The following DTNA variants were observed in gnomAD, a reference collection of about 807,000 sequenced individuals.
DTNA encodes dystrophin-related protein 3.
A neutral mutation model predicts 100.7 loss-of-function variants in DTNA; 43 were observed. That is an observed-to-expected ratio of 0.43 (90% CI 0.33 to 0.55). DTNA has a LOEUF of 0.55. DTNA is among the 20% of genes least tolerant of loss of function. DTNA has a pLI of 0.04. For missense variants in DTNA, 798 were observed against 953.9 expected (o/e 0.84, Z 2.15); for synonymous variants, 349 against 347.9 (o/e 1.00, Z -0.04).
At chr18:34,668,540 C>T (rs2076274491) in intron 1 of DTNA, among the ~76,000 whole-genome samples, 1 of 151,994 alleles carries the variant, frequency 6.6e-6, no homozygotes. Flanking sequence ...TTAGATCTTT[C>T]CTGCTTTCTC....
rs540463265 is a variant in DTNA, at chr18:34,727,942, AT to A, written c.-2+17499del. 1.1e-4 allele frequency among the ~76,000 whole-genome samples: 16 copies of A among 152,256 alleles called. No individual in the cohort carries two copies. The East Asian group carries it at 3.1e-3, about 29-fold the overall frequency. On this transcript the variant is annotated intron_variant, in intron 1 of 22. Transcript: ENST00000444659. ...ATGCCATCTACTATCTAATCCTAAT[AT>A]TAAGAGGGAGGGGGGGAAAAGGCAA...
At chr18:34,789,832 G>A (rs1409319299) in intron 3 of DTNA, among the ~76,000 whole-genome samples, 1 of 152,016 alleles carries the variant, frequency 6.6e-6, no homozygotes, top group South Asian at 2.1e-4. Flanking sequence ...TAATTTCTAG[G>A]TATTTGATTA....
chr18:34,726,353 C>T (rs913419622), intron 1 of DTNA, among the ~76,000 whole-genome samples: 1 of 152,186 alleles, frequency 6.6e-6, no homozygotes, highest in Admixed American at 6.5e-5. Context: ...TTGCAAAATA[C>T]AGTCATCTCT....
chr18:34,730,750 C>T (rs2087915795), intron 1 of DTNA, among the ~76,000 whole-genome samples: 1 of 152,144 alleles, frequency 6.6e-6, no homozygotes, highest in Non-Finnish European at 1.5e-5. Context: ...TTCCTCTCAC[C>T]CTAATATCTA....
Position 34,655,076 on chromosome 18 carries a change from A to G in DTNA, c.-1-100900A>G, listed in dbSNP as rs534056861. Among the ~76,000 whole-genome samples the G allele has an allele frequency of 9.9e-5, 15 of 152,206 alleles. No individual in the cohort carries two copies. The South Asian group carries it at 3.1e-3, about 32-fold the overall frequency. On this transcript the variant is annotated intron_variant, in intron 1 of 19. Coordinates refer to the DTNA transcript ENST00000283365. Reference sequence around the variant, plus strand: ...TATTAAGAAATTCTTTTACTAACACATGTAGTTTTTCAGAACTCCATAATA... The same window carrying G: ...TATTAAGAAATTCTTTTACTAACACGTGTAGTTTTTCAGAACTCCATAATA...
intron 3 of DTNA, among the ~76,000 whole-genome samples, chr18:34,782,823 G>C (rs1318497641): frequency 1.3e-5 from 2 of 152,204 alleles, no homozygotes; most frequent in Non-Finnish European, 2.9e-5. Context: ...AGGCAATGGA[G>C]AACGGCATGG....
At chr18:34,665,430 T>TA (rs1169290535) in intron 1 of DTNA, among the ~76,000 whole-genome samples, 2 of 152,124 alleles carry the variant, frequency 1.3e-5, no homozygotes, top group African/African-American at 4.8e-5. Context: ...TATATATATA[T>TA]TTTTTATTAC....
intron 8 of DTNA, chr18:34,818,683 A>T (rs974395566): frequency 9.1e-7 from 1 of 1,099,338 alleles, no homozygotes; most frequent in Non-Finnish European, 1.1e-6. Flanking sequence ...TGTTTTGTGG[A>T]AACGGCTTAA....
Position 34,838,134 on chromosome 18 carries a change from C to T in DTNA, c.1216C>T (p.Leu406=). 1 of 1,613,866 alleles carries T rather than the reference C, an allele frequency of 6.2e-7. No individual in the cohort carries two copies. Among genetic ancestry groups the T allele is most frequent in the South Asian group, 1.1e-5 (1 of 91,074 alleles). ...CAGTGAAGTAGAGCAGAACAAACTG[C>T]TGGCTAGGGCTGCTCCAGCTTTTCT... ...KDSEVEQNKL[L]ARAAPAFLKG... The change falls in exon 12 of 23, where the codon CTG becomes TTG. Residue 406 remains leucine, a synonymous_variant. Coordinates refer to ENST00000444659, the MANE Select transcript of DTNA (RefSeq NM_001386795.1).
intron 4 of DTNA, among the ~76,000 whole-genome samples, chr18:34,799,418 A>G (rs964301912): frequency 7.2e-5 from 11 of 152,250 alleles, no homozygotes; most frequent in African/African-American, 2.7e-4. Flanking sequence ...AATGTACTAC[A>G]AAGTACACAA....
chr18:34,516,066 TGGG>T (rs2041578452), intron 1 of DTNA, among the ~76,000 whole-genome samples: 1 of 152,128 alleles, frequency 6.6e-6, no homozygotes, highest in African/African-American at 2.4e-5. Flanking sequence ...TCTCAGCTAT[TGGG>T]GGAACCACCC....
intron 1 of DTNA, among the ~76,000 whole-genome samples, chr18:34,714,617 C>T (rs1433894108): frequency 2.0e-4 from 30 of 150,578 alleles, no homozygotes; most frequent in Non-Finnish European, 1.2e-4. Context: ...GAAATAGGAA[C>T]ACTTTTACAC....
At chr18:34,646,069 A>C (rs181693577) in intron 1 of DTNA, among the ~76,000 whole-genome samples, 1 of 152,256 alleles carries the variant, frequency 6.6e-6, no homozygotes, top group Admixed American at 6.5e-5. Context: ...ATGGTTCAGT[A>C]TTTTAAGAAA....
At chr18:34,643,553 A>G (rs2148407366) in intron 1 of DTNA, among the ~76,000 whole-genome samples, 1 of 152,288 alleles carries the variant, frequency 6.6e-6, no homozygotes, top group African/African-American at 2.4e-5. Flanking sequence ...ATTCTTTATT[A>G]TTCTCTGCAG....
chr18:34,668,109 T>C (rs1358788894), intron 1 of DTNA, among the ~76,000 whole-genome samples: 6 of 152,228 alleles, frequency 3.9e-5, no homozygotes, highest in Admixed American at 3.9e-4. Flanking sequence ...CAGAGCCTGT[T>C]ACTGGTCTAT....
intron 1 of DTNA, among the ~76,000 whole-genome samples, chr18:34,508,008 G>A (rs1448561313): frequency 6.6e-6 from 1 of 152,080 alleles, no homozygotes; most frequent in East Asian, 1.9e-4. Flanking sequence ...AATTAAAAAT[G>A]CATTACCTAA....
chr18:34,642,518 C>T lies in DTNA; in HGVS notation c.-1-113458C>T, dbSNP rs113247795. Among the ~76,000 whole-genome samples the T allele has an allele frequency of 1.3e-4, 19 of 146,654 alleles. 1 individual carries two copies. The highest frequency in any genetic ancestry group is 5.0e-4 in the African/African-American group (19 of 37,888). ...CTTCCTTCCTTCCTTTCTTTCTTTC[C>T]TTCTTTCCTTCTTTCTTTCCTTCCT... is the stretch of plus-strand genomic sequence containing the variant. On this transcript the variant is annotated intron_variant, in intron 1 of 19. Coordinates refer to the DTNA transcript ENST00000283365.
chr18:34,820,985 GC>G, intron 9 of DTNA, 70 bp downstream of exon 9: 1 of 1,608,020 alleles, frequency 6.2e-7, no homozygotes, highest in Non-Finnish European at 8.5e-7. Context: ...CCACACAAAA[GC>G]AATTTCCTAT....
chr18:34,635,631 G>A (rs750074045), intron 1 of DTNA, among the ~76,000 whole-genome samples: 1 of 152,018 alleles, frequency 6.6e-6, no homozygotes, highest in Non-Finnish European at 1.5e-5. Context: ...TGATCATTTG[G>A]AGGATATTGG....
Sources: gnomAD v4.1 joint callset for allele counts (sites outside exome capture counted in the v4.1 genomes callset) on GRCh38, gnomAD v4.1.1 for gene constraint, MANE v1.5 for transcripts, NCBI Gene and HGNC (gene_info 2026-07-23, HGNC 2026-07-21) for gene names.